SFXN2: variants seen among roughly 807,000 people sequenced by gnomAD.
SFXN2 encodes sideroflexin 2, also known as sideroflexin-2.
In SFXN2, 37 loss-of-function variants were observed where a neutral mutation model predicts 41.9. The ratio of observed to expected loss-of-function variants is 0.88; its 90% CI spans 0.68 to 1.16. The LOEUF is 1.16. Ranked by LOEUF, SFXN2 falls within the 50% of genes most tolerant of loss-of-function variation. SFXN2 has a pLI of 0.00. For synonymous variants in SFXN2, 150 were observed against 156.7 expected (o/e 0.96, Z 0.32); for missense variants, 386 against 425.2 (o/e 0.91, Z 0.81).
At chr10:102,714,820 C>G (rs1228435221) in intron 1 of SFXN2, 139 bp downstream of exon 1, 1 of 153,722 alleles carries the variant, frequency 6.5e-6, no homozygotes, top group African/African-American at 2.4e-5. Flanking sequence ...AGCCACGTGG[C>G]GCGAAGTGCG....
rs55839661 is a variant in SFXN2, at chr10:102,717,124, C to CTT, written c.-26+2464_-26+2465dup. Among the ~76,000 whole-genome samples, 765 of 97,234 alleles carry CTT rather than the reference C, an allele frequency of 7.9e-3. 11 individuals are homozygous for CTT. Among genetic ancestry groups the CTT allele is most frequent in the Non-Finnish European group, 9.6e-3 (506 of 52,966 alleles). 63.8% of individuals were successfully genotyped at this position (97,234 alleles called of 152,430 possible). A position where few individuals can be genotyped will look rare whatever the true frequency, so the allele number is the denominator to read the frequency against. On this transcript the variant is annotated intron_variant, in intron 1 of 11. Transcript: ENST00000369893. ...CTTCAGGCTATGACATTCTCTCTCT[C>CTT]TTTTTTTTTTTTTTTTTTTTTTGTG...
rs2064647117 is a variant in SFXN2 at position 102,728,530 on chromosome 10, G to A, written c.431+1G>A. 1 of 1,613,392 alleles carries A rather than the reference G, an allele frequency of 6.2e-7. No homozygotes were observed. Among genetic ancestry groups the A allele is most frequent in the Non-Finnish European group, 8.5e-7 (1 of 1,179,612 alleles). ...ATGCGGCTTCCCCCACATCAGTCAG[G>A]TAGGAGACCTGAACCCCAGGCTGTC... On this transcript the variant is annotated splice_donor_variant, in intron 4 of 11. Coordinates refer to ENST00000369893, the MANE Select transcript of SFXN2 (RefSeq NM_178858.6). LOFTEE classifies it high-confidence loss of function.
intron 11 of SFXN2, among the ~76,000 whole-genome samples, chr10:102,736,573 C>A (rs1289009202): frequency 6.6e-6 from 1 of 152,040 alleles, no homozygotes; most frequent in Non-Finnish European, 1.5e-5. Context: ...CGTGCCACCA[C>A]GCACAGCTAA....
chr10:102,733,658 T>A, intron 10 of SFXN2, 55 bp downstream of exon 10: 1 of 1,427,842 alleles, frequency 7.0e-7, no homozygotes, highest in Non-Finnish European at 9.9e-7. Flanking sequence ...ACTCAAGATG[T>A]GTCGTCTTGT....
In SFXN2 at chr10:102,714,666, T is replaced by A. The variant is rs2064377838; in HGVS notation, c.-41T>A. 2 of 250,230 alleles carry A rather than the reference T, an allele frequency of 8.0e-6. No homozygotes were observed. The highest frequency in any genetic ancestry group is 1.5e-5 in the Non-Finnish European group (2 of 132,818). 15.5% of individuals were successfully genotyped at this position (250,230 alleles called of 1,614,324 possible). A position where few individuals can be genotyped will look rare whatever the true frequency, so the allele number is the denominator to read the frequency against. ...TCAAGGCGGGCTGTAACTGGTGGCA[T>A]TTGTCCCGGGACCAGGTAAGGGGCC... On this transcript the variant is annotated 5_prime_UTR_variant, in exon 1 of 12. Coordinates refer to ENST00000369893, the MANE Select transcript of SFXN2 (RefSeq NM_178858.6).
chr10:102,731,824 CCT>C, intron 7 of SFXN2, 41 bp downstream of exon 7: 1 of 1,562,972 alleles, frequency 6.4e-7, no homozygotes, highest in African/African-American at 1.4e-5. Flanking sequence ...GAGGGAATTC[CCT>C]CTCATACCCT....
chr10:102,717,508 G>T (rs935472287), intron 1 of SFXN2, among the ~76,000 whole-genome samples: 2 of 152,164 alleles, frequency 1.3e-5, no homozygotes, highest in Admixed American at 1.3e-4. Flanking sequence ...TTTGTTCCTA[G>T]TAGTGGGACC....
intron 7 of SFXN2, 137 bp downstream of exon 7, chr10:102,731,920 TC>T (rs2064710393): frequency 2.5e-6 from 2 of 813,952 alleles, no homozygotes; most frequent in Non-Finnish European, 3.9e-6. Flanking sequence ...TATCAAATTT[TC>T]CCCATGTTTC....
chr10:102,737,679 T>C lies in SFXN2; in HGVS notation c.886T>C (p.Tyr296His). Residue 296 changes from tyrosine (Y) to histidine (H), a missense_variant, in exon 12 of 12, where the codon TAT (tyrosine) becomes CAT (histidine). Physicochemically the swap from Tyr to His is moderately conservative, Grantham distance 83 (BLOSUM62 2). Transcript: ENST00000369893. Reference sequence around the variant, plus strand: ...TCTTTTCAGTGAATTGCCAGTTTCCTATCTGGAACCGAAGCTCCAAGACAC... The same window carrying C: ...TCTTTTCAGTGAATTGCCAGTTTCCCATCTGGAACCGAAGCTCCAAGACAC... Reference protein sequence around the residue: ...FPQKCELPVSYLEPKLQDTIK... With the variant: ...FPQKCELPVSHLEPKLQDTIK... 6.2e-7 allele frequency: 1 copy of C among 1,612,416 alleles called. No homozygotes were observed. The highest frequency in any genetic ancestry group is 8.5e-7 in the Non-Finnish European group (1 of 1,178,632).
intron 1 of SFXN2, chr10:102,717,784 A>G: frequency 1.0e-6 from 1 of 985,470 alleles, no homozygotes. Context: ...ATTTCAGGTA[A>G]GCAGTAAATA....
intron 4 of SFXN2, 22 bp downstream of exon 4, chr10:102,728,551 C>G (rs1464048383): frequency 3.1e-6 from 5 of 1,604,110 alleles, no homozygotes; most frequent in Non-Finnish European, 4.3e-6. Context: ...GAACCCCAGG[C>G]TGTCCTCGTG....
chr10:102,716,987 G>A (rs547328328), intron 1 of SFXN2, among the ~76,000 whole-genome samples: 6 of 152,260 alleles, frequency 3.9e-5, no homozygotes, highest in African/African-American at 1.2e-4. Flanking sequence ...TGCTGCAAGC[G>A]CTTAGTGCAG....
At chr10:102,733,009 T>G (rs760825028) in intron 9 of SFXN2, 101 bp downstream of exon 9, 10 of 1,184,350 alleles carry the variant, frequency 8.4e-6, no homozygotes, top group African/African-American at 1.5e-5. Flanking sequence ...ATCCTTCCCT[T>G]TAGCTACCAT....
intron 1 of SFXN2, among the ~76,000 whole-genome samples, chr10:102,722,726 T>C (rs2064526124): frequency 6.6e-6 from 1 of 151,580 alleles, no homozygotes; most frequent in Non-Finnish European, 1.5e-5. Context: ...CTTTTTTAAT[T>C]TTTATAGAGA....
At chr10:102,731,135 C>T (rs551365521) in intron 6 of SFXN2, among the ~76,000 whole-genome samples, 4 of 150,982 alleles carry the variant, frequency 2.6e-5, no homozygotes, top group Admixed American at 1.3e-4. Flanking sequence ...GGCATGGTGG[C>T]GCATGCCTGT....
chr10:102,717,690 T>C (rs923990635), intron 1 of SFXN2: 2 of 908,638 alleles, frequency 2.2e-6, no homozygotes, highest in African/African-American at 3.6e-5. Context: ...GTGCTCTTAA[T>C]TCTGTAACCT....
In SFXN2 at chr10:102,727,185, G is replaced by A. The variant is rs12570640; in HGVS notation, c.332+28G>A. On this transcript the variant is annotated intron_variant, in intron 3 of 11. Transcript: ENST00000369893. ...GGGACCTGGGGGCAGGGCCGTGGGA[G>A]GTACAGCTGCCTGGATCTGCTGGTC... is the stretch of plus-strand genomic sequence containing the variant. The A allele has an allele frequency of 1.7e-3, 2,667 of 1,578,466 alleles. 54 individuals carry two copies. In the East Asian group the frequency reaches 0.044, roughly 26 times the overall value.
chr10:102,736,423 A>ATT (rs35797507), intron 11 of SFXN2, among the ~76,000 whole-genome samples: 55,939 of 124,562 alleles, frequency 0.45, 13,067 homozygotes, highest in East Asian at 0.62. Context: ...TGCCCAGCTC[A>ATT]TTTTTTTTTT....
At chr10:102,729,263 G>C in intron 4 of SFXN2, 56 bp from the exon 5 acceptor site, 1 of 1,562,306 alleles carries the variant, frequency 6.4e-7, no homozygotes, top group South Asian at 1.1e-5. Context: ...TGAAGCCCGT[G>C]GTTTGGCCCT....
Sources: gnomAD v4.1 joint callset for allele counts (sites outside exome capture counted in the v4.1 genomes callset) on GRCh38, gnomAD v4.1.1 for gene constraint, MANE v1.5 for transcripts, NCBI Gene and HGNC (gene_info 2026-07-23, HGNC 2026-07-21) for gene names.